The following ABCA13 variants were observed in gnomAD, a reference collection of about 807,000 sequenced individuals.
ABCA13 encodes the protein ATP binding cassette subfamily A member 13, also known as ATP-binding cassette sub-family A member 13.
A neutral mutation model predicts 478.7 loss-of-function variants in ABCA13; 476 were observed. That is an observed-to-expected ratio of 0.99 (90% CI 0.92 to 1.07). The LOEUF (loss-of-function observed/expected upper bound fraction) is 1.07, where lower values mean the gene tolerates loss of function less well. Among genes scored for constraint, ABCA13 ranks in the 50% least tolerant of loss-of-function variants. ABCA13 has a pLI of 0.00. For synonymous variants in ABCA13, 2,252 were observed against 2,158.9 expected (o/e 1.04, Z -1.20); for missense variants, 6,060 against 5,910.6 (o/e 1.03, Z -0.83).
intron 42 of ABCA13, among the ~76,000 whole-genome samples, chr7:48,447,735 CCATCCATTCAATCACCCAT>C (rs1204113613): frequency 6.6e-6 from 1 of 152,176 alleles, no homozygotes; most frequent in African/African-American, 2.4e-5. Flanking sequence ...TGGTCAATAT[CCATCCATTCAATCACCCAT>C]CAGACCTTAC....
intron 1 of ABCA13, among the ~76,000 whole-genome samples, chr7:48,171,855 T>G (rs2128837320): frequency 6.6e-6 from 1 of 152,370 alleles, no homozygotes; most frequent in Middle Eastern, 3.4e-3. Flanking sequence ...TTCTAAGCAT[T>G]CGTTGTAAAA....
rs576345128 is a variant in ABCA13, at chr7:48,559,612, T to C, written c.14355-20612T>C. ...CTTCTCAAGCAGAAAGATTATTTTA[T>C]CATAGCCACTACAGCTAGGAATGTG... On this transcript the variant is annotated intron_variant, in intron 55 of 61. Coordinates refer to ENST00000435803, the MANE Select transcript of ABCA13 (RefSeq NM_152701.5). Among the ~76,000 whole-genome samples the C allele has an allele frequency of 2.0e-3, 299 of 152,254 alleles. 1 individual carries two copies. Among genetic ancestry groups the C allele is most frequent in the African/African-American group, 7.0e-3 (290 of 41,550 alleles).
At position 48,240,853 on chromosome 7, in the gene ABCA13, T is replaced by G; in HGVS notation, c.1063-14T>G. 1 of 1,490,826 alleles carries G rather than the reference T, an allele frequency of 6.7e-7. No homozygotes were observed. The highest frequency in any genetic ancestry group is 8.9e-7 in the Non-Finnish European group (1 of 1,118,202). The allele number at this position is 1,490,826 out of a possible 1,614,324, so 92.3% of individuals were successfully genotyped here. A position where few individuals can be genotyped will look rare whatever the true frequency, so the allele number is the denominator to read the frequency against. ...CTATTATTAATGCTAGTATTTTGGTTTCCGAATTTGTAGGTGTTTGTTCAG... is the reference window on the plus strand; with the variant it reads ...CTATTATTAATGCTAGTATTTTGGTGTCCGAATTTGTAGGTGTTTGTTCAG... On this transcript the variant is annotated splice_polypyrimidine_tract_variant and intron_variant, in intron 9 of 61. Coordinates refer to ENST00000435803, the MANE Select transcript of ABCA13 (RefSeq NM_152701.5).
In ABCA13 at chr7:48,239,413, C is replaced by G. The variant is rs1320893500; in HGVS notation, c.1062+8C>G. The G allele has an allele frequency of 2.4e-5, 38 of 1,608,974 alleles. No individual in the cohort carries two copies. Among genetic ancestry groups the G allele is most frequent in the Non-Finnish European group, 3.2e-5 (38 of 1,177,354 alleles). On this transcript the variant is annotated splice_region_variant and intron_variant, in intron 9 of 61. Transcript: ENST00000435803. ...CTGCGAGTCTACCAACAGGTGCTGTCCCCTCTCTCTATGTTCTGTTCAAAG... is the reference window on the plus strand; with the variant it reads ...CTGCGAGTCTACCAACAGGTGCTGTGCCCTCTCTCTATGTTCTGTTCAAAG...
intron 20 of ABCA13, among the ~76,000 whole-genome samples, chr7:48,295,146 A>G (rs1799189757): frequency 1.3e-5 from 2 of 152,226 alleles, no homozygotes; most frequent in African/African-American, 2.4e-5. Flanking sequence ...CATTTCCACC[A>G]ACAGGGCACA....
chr7:48,193,751 C>T (rs138597976), intron 2 of ABCA13, among the ~76,000 whole-genome samples: 151,357 of 151,416 alleles, frequency 1, 75,649 homozygotes, highest in Middle Eastern at 1. Context: ...ATGCTGGTGA[C>T]GATAGTGATG....
chr7:48,405,104 GC>G (rs1373635107), intron 39 of ABCA13, among the ~76,000 whole-genome samples: 1 of 152,250 alleles, frequency 6.6e-6, no homozygotes, highest in African/African-American at 2.4e-5. Flanking sequence ...ACCTTTTCAT[GC>G]CCATGAACTT....
At chr7:48,489,079 T>C (rs1323321018) in intron 47 of ABCA13, among the ~76,000 whole-genome samples, 157 bp from the exon 48 acceptor site, 2 of 152,222 alleles carry the variant, frequency 1.3e-5, no homozygotes, top group East Asian at 3.8e-4. Context: ...TAGAATTGAC[T>C]GCTCACTGTC....
chr7:48,644,672 C>T lies in ABCA13; in HGVS notation c.14999C>T (p.Ala5000Val), dbSNP rs1027381508. Residue 5000 changes from alanine to valine, a missense_variant, in exon 61 of 62, where the codon GCT (alanine) becomes GTT (valine). By Grantham distance (64) the Ala-to-Val change is moderately conservative. Coordinates refer to ENST00000435803, the MANE Select transcript of ABCA13 (RefSeq NM_152701.5). Reference protein sequence around the residue: ...YHVPKRWGCLADLFKVIENNK... With the variant: ...YHVPKRWGCLVDLFKVIENNK... Reference sequence around the variant, plus strand: ...GTGCCAAAAAGATGGGGATGCCTAGCTGACTTGTTCAAAGTTATAGAGAAC... The same window carrying T: ...GTGCCAAAAAGATGGGGATGCCTAGTTGACTTGTTCAAAGTTATAGAGAAC... 14 of 1,609,986 alleles carry T rather than the reference C, an allele frequency of 8.7e-6. No homozygotes were observed. Among genetic ancestry groups the T allele is most frequent in the African/African-American group, 2.7e-5 (2 of 73,804 alleles).
intron 28 of ABCA13, among the ~76,000 whole-genome samples, chr7:48,337,251 A>G (rs1176402081): frequency 6.6e-6 from 1 of 152,148 alleles, no homozygotes; most frequent in Non-Finnish European, 1.5e-5. Context: ...GAAAGCCCTA[A>G]CTTTGCTCTG....
At chr7:48,175,524 G>A (rs1583959318) in intron 1 of ABCA13, among the ~76,000 whole-genome samples, 1 of 152,090 alleles carries the variant, frequency 6.6e-6, no homozygotes, top group African/African-American at 2.4e-5. Flanking sequence ...GGGTTCAAGC[G>A]ATTCTCCTGC....
At chr7:48,545,252 A>G (rs1410662835) in intron 55 of ABCA13, among the ~76,000 whole-genome samples, 1 of 151,848 alleles carries the variant, frequency 6.6e-6, no homozygotes, top group African/African-American at 2.4e-5. Flanking sequence ...TCCTTACTGA[A>G]GGGGTAGGAT....
intron 38 of ABCA13, among the ~76,000 whole-genome samples, chr7:48,396,652 A>G (rs2129062725): frequency 6.6e-6 from 1 of 152,362 alleles, no homozygotes; most frequent in East Asian, 1.9e-4. Flanking sequence ...TTGATGCCCT[A>G]ATGGGAGTAC....
intron 55 of ABCA13, among the ~76,000 whole-genome samples, chr7:48,550,265 C>CTTTTTTTTTTTTTTTTT (rs57540403): frequency 6.7e-6 from 1 of 148,330 alleles, no homozygotes. Flanking sequence ...CTCTATTTTT[C>CTTTTTTTTTTTTTTTTT]TTTTTTTTGG....
intron 55 of ABCA13, among the ~76,000 whole-genome samples, chr7:48,545,656 C>A (rs1019781080): frequency 3.3e-5 from 5 of 149,544 alleles, no homozygotes; most frequent in African/African-American, 4.9e-5. Flanking sequence ...ATGGCTATCA[C>A]AAAAAGGAGA....
chr7:48,645,940 G>T lies in ABCA13; in HGVS notation c.*428G>T. 6.0e-6 allele frequency: 1 copy of T among 165,690 alleles called. No homozygotes were observed. The highest frequency in any genetic ancestry group is 1.3e-5 in the Non-Finnish European group (1 of 77,890). The allele number at this position is 165,690 out of a possible 1,614,324, so 10.3% of individuals were successfully genotyped here. ...GTTAAAAAACTTTAGTAACTTGTTT[G>T]TATAGAAAATAGTAACAAGGACTAT... On this transcript the variant is annotated 3_prime_UTR_variant, in exon 62 of 62. Coordinates refer to ENST00000435803, the MANE Select transcript of ABCA13 (RefSeq NM_152701.5).
chr7:48,352,538 G>A, intron 31 of ABCA13, 51 bp downstream of exon 31: 5 of 1,476,932 alleles, frequency 3.4e-6, no homozygotes, highest in Non-Finnish European at 4.5e-6. Flanking sequence ...CCTTGCATTT[G>A]TCTAGCTGAG....
At chr7:48,587,056 G>A (rs1585892674) in intron 56 of ABCA13, 98 bp from the exon 57 acceptor site, 1 of 1,521,274 alleles carries the variant, frequency 6.6e-7, no homozygotes, top group Non-Finnish European at 9.0e-7. Flanking sequence ...GGTCGGCAGG[G>A]TTAGTGGGAG....
At chr7:48,565,002 TA>T (rs1786883484) in intron 55 of ABCA13, among the ~76,000 whole-genome samples, 1 of 152,138 alleles carries the variant, frequency 6.6e-6, no homozygotes, top group African/African-American at 2.4e-5. Context: ...GGATAGTTTT[TA>T]AAACTGAACC....
Sources: gnomAD v4.1 joint callset for allele counts (sites outside exome capture counted in the v4.1 genomes callset) on GRCh38, gnomAD v4.1.1 for gene constraint, MANE v1.5 for transcripts, NCBI Gene and HGNC (gene_info 2026-07-23, HGNC 2026-07-21) for gene names.